The following KCMF1 variants were observed in gnomAD, a reference collection of about 807,000 sequenced individuals.
The protein encoded by KCMF1 is E3 ubiquitin-protein ligase KCMF1.
Under a neutral mutation model 41.1 loss-of-function variants are expected in KCMF1, and 3 were observed. The observed-to-expected ratio is 0.07, with a 90% confidence interval of 0.03 to 0.19. The LOEUF (loss-of-function observed/expected upper bound fraction) is 0.19. Among genes scored for constraint, KCMF1 ranks in the 10% least tolerant of loss-of-function variants. The pLI is 1.00. For missense variants in KCMF1, 286 were observed against 488.9 expected (o/e 0.58, Z 3.91); for synonymous variants, 142 against 164.5 (o/e 0.86, Z 1.04).
chr2:85,038,049 T>G (rs1675443978), intron 3 of KCMF1, among the ~76,000 whole-genome samples: 1 of 152,234 alleles, frequency 6.6e-6, no homozygotes, highest in Non-Finnish European at 1.5e-5. Context: ...ACACATAAAT[T>G]TTTGTACAAG....
In KCMF1 at chr2:85,009,080, C is replaced by T. The variant is rs141771030; in HGVS notation, c.17-18809C>T. On this transcript the variant is annotated intron_variant, in intron 1 of 6. Coordinates refer to ENST00000409785, the MANE Select transcript of KCMF1 (RefSeq NM_020122.5). ...GTTATGGTTTGGCTCTGTATCCCCACCCAAATCCCATCTCAAATTGTAATC... is the reference window on the plus strand; with the variant it reads ...GTTATGGTTTGGCTCTGTATCCCCATCCAAATCCCATCTCAAATTGTAATC... Among the ~76,000 whole-genome samples the T allele has an allele frequency of 2.0e-4, 31 of 152,218 alleles. No homozygotes were observed. The East Asian group carries it at 5.2e-3, about 26-fold the overall frequency.
intron 1 of KCMF1, among the ~76,000 whole-genome samples, chr2:84,985,421 C>T (rs1034363444): frequency 1.3e-5 from 2 of 152,190 alleles, no homozygotes; most frequent in Non-Finnish European, 2.9e-5. Flanking sequence ...CTACATTTAC[C>T]GTTCTTTTAA....
At chr2:84,979,448 C>T (rs1361751574) in intron 1 of KCMF1, among the ~76,000 whole-genome samples, 1 of 150,966 alleles carries the variant, frequency 6.6e-6, no homozygotes, top group Non-Finnish European at 1.5e-5. Context: ...CTCTTGAACC[C>T]AGGAGGCGGA....
intron 6 of KCMF1, among the ~76,000 whole-genome samples, chr2:85,051,571 C>A (rs555370884): frequency 7.2e-5 from 11 of 152,150 alleles, no homozygotes; most frequent in African/African-American, 2.4e-4. Flanking sequence ...TCTTGAAATC[C>A]CCCTTCTATC....
intron 1 of KCMF1, among the ~76,000 whole-genome samples, chr2:85,023,631 CT>C (rs1675010841): frequency 6.6e-6 from 1 of 152,104 alleles, no homozygotes; most frequent in African/African-American, 2.4e-5. Flanking sequence ...CCTGAGTAGC[CT>C]TTTTAAAATT....
chr2:85,054,097 A>G lies in KCMF1; in HGVS notation c.*688A>G, dbSNP rs1030425924. The G allele has an allele frequency of 2.0e-5, 3 of 152,236 alleles. No individual in the cohort carries two copies. Among genetic ancestry groups the G allele is most frequent in the Non-Finnish European group, 4.4e-5 (3 of 68,056 alleles). The allele number at this position is 152,236 out of a possible 1,614,324, so 9.4% of individuals were successfully genotyped here. A position where few individuals can be genotyped will look rare whatever the true frequency, so the allele number is the denominator to read the frequency against. On this transcript the variant is annotated 3_prime_UTR_variant, in exon 7 of 7. Coordinates refer to ENST00000409785, the MANE Select transcript of KCMF1 (RefSeq NM_020122.5). ...CAGCCTGTCTCTTTAACTCATCTGTAGAAGACACACCAGTAAAGCTACTGT... is the reference window on the plus strand; with the variant it reads ...CAGCCTGTCTCTTTAACTCATCTGTGGAAGACACACCAGTAAAGCTACTGT...
At chr2:85,007,101 C>CAAAAAAAAAAAAAAAAAAA in intron 1 of KCMF1, among the ~76,000 whole-genome samples, 1 of 51,904 alleles carries the variant, frequency 1.9e-5, no homozygotes, top group Non-Finnish European at 4.1e-5. Context: ...AACTCAGTCT[C>CAAAAAAAAAAAAAAAAAAA]AAAAAAAAAA....
rs528820714 is a variant in KCMF1 at position 85,059,367 on chromosome 2, C to G, written c.*5958C>G. The stretch of plus-strand genomic sequence containing the variant: ...ATAAATTGCATATTGTATCAGGCTC[C>G]GAGACTAATTTGTACTGAACCCTTG... On this transcript the variant is annotated 3_prime_UTR_variant, in exon 7 of 7. Transcript: ENST00000409785. 5.3e-5 allele frequency: 8 copies of G among 152,110 alleles called. No individual in the cohort carries two copies. The highest frequency in any genetic ancestry group is 1.2e-4 in the Non-Finnish European group (8 of 68,024). 9.4% of individuals were successfully genotyped at this position (152,110 alleles called of 1,614,324 possible). A position where few individuals can be genotyped will look rare whatever the true frequency, so the allele number is the denominator to read the frequency against.
intron 3 of KCMF1, among the ~76,000 whole-genome samples, chr2:85,035,932 G>A (rs536448827): frequency 2.0e-5 from 3 of 152,222 alleles, no homozygotes; most frequent in Admixed American, 6.5e-5. Flanking sequence ...CAACTAATAA[G>A]CCCGTAAATG....
intron 1 of KCMF1, among the ~76,000 whole-genome samples, chr2:85,007,116 A>C (rs1055727341): frequency 1.1e-4 from 16 of 151,754 alleles, no homozygotes; most frequent in Non-Finnish European, 1.8e-4. Flanking sequence ...AAAAAAAAAA[A>C]AAAAAAGAAA....
intron 1 of KCMF1, among the ~76,000 whole-genome samples, chr2:85,027,366 CTTTTTTTTTTTTTTTTT>C (rs934531367): frequency 1.5e-4 from 10 of 65,742 alleles, no homozygotes; most frequent in Non-Finnish European, 2.9e-5. Context: ...CTTATCAAGG[CTTTTTTTTTTTTTTTTT>C]TTTTTTTTTT....
intron 3 of KCMF1, among the ~76,000 whole-genome samples, chr2:85,039,613 T>G (rs1023610204): frequency 1.3e-5 from 2 of 152,170 alleles, no homozygotes; most frequent in Non-Finnish European, 2.9e-5. Flanking sequence ...AGTCATGCCC[T>G]GGAACCATGT....
chr2:85,034,914 TC>T, intron 2 of KCMF1, 101 bp from the exon 3 acceptor site: 1 of 1,011,064 alleles, frequency 9.9e-7, no homozygotes, highest in Non-Finnish European at 1.4e-6. Flanking sequence ...GAACCACTGC[TC>T]CTGGCCCACA....
chr2:84,983,627 C>A (rs1386736712), intron 1 of KCMF1, among the ~76,000 whole-genome samples: 1 of 152,198 alleles, frequency 6.6e-6, no homozygotes, highest in African/African-American at 2.4e-5. Flanking sequence ...CCTGCCTCAG[C>A]CTCCCAAAGT....
chr2:85,022,448 A>T (rs544798160), intron 1 of KCMF1, among the ~76,000 whole-genome samples: 1 of 152,296 alleles, frequency 6.6e-6, no homozygotes, highest in South Asian at 2.1e-4. Context: ...CTCTCCAGCC[A>T]GGGTGACAGT....
chr2:85,033,754 G>A (rs1675341057), intron 2 of KCMF1, among the ~76,000 whole-genome samples: 1 of 152,106 alleles, frequency 6.6e-6, no homozygotes, highest in African/African-American at 2.4e-5. Context: ...AGCTTTGGTG[G>A]GGACAAACCA....
At chr2:85,034,912 G>A (rs759406769) in intron 2 of KCMF1, 104 bp from the exon 3 acceptor site, 43 of 989,142 alleles carry the variant, frequency 4.3e-5, no homozygotes, top group Non-Finnish European at 6.3e-5. Context: ...ATGAACCACT[G>A]CTCCTGGCCC....
At chr2:84,995,027 A>T (rs1025832444) in intron 1 of KCMF1, among the ~76,000 whole-genome samples, 4 of 147,024 alleles carry the variant, frequency 2.7e-5, no homozygotes, top group Admixed American at 1.4e-4. Flanking sequence ...AATTTTATTA[A>T]TTTTTTTTTT....
intron 1 of KCMF1, among the ~76,000 whole-genome samples, chr2:85,008,316 T>TAATATATAATATATA (rs1558573457): frequency 4.1e-5 from 4 of 98,724 alleles, no homozygotes; most frequent in African/African-American, 1.8e-4. Flanking sequence ...ATATGATATA[T>TAATATATAATATATA]ATATCATATA....
Sources: allele counts gnomAD v4.1 joint callset (sites outside exome capture counted in the v4.1 genomes callset), GRCh38; gene constraint gnomAD v4.1.1; transcripts MANE v1.5; gene names NCBI Gene and HGNC (gene_info 2026-07-23, HGNC 2026-07-21).